NELL2: variants seen among roughly 807,000 people sequenced by gnomAD.
NELL2 encodes protein kinase C-binding protein NELL2.
Under a neutral mutation model 109.6 loss-of-function variants are expected in NELL2, and 41 were observed. That is an observed-to-expected ratio of 0.37 (90% CI 0.29 to 0.49). The LOEUF is 0.49. Among genes scored for constraint, NELL2 ranks in the 20% least tolerant of loss-of-function variants. NELL2 has a pLI of 0.98. For synonymous variants in NELL2, 355 were observed against 344.7 expected, an observed-to-expected ratio of 1.03 and a Z score of -0.33; for missense variants, 900 against 1,008.3, an observed-to-expected ratio of 0.89 and a Z score of 1.45.
At chr12:44,905,612 G>A (rs1210690910) in intron 1 of NELL2, among the ~76,000 whole-genome samples, 1 of 151,980 alleles carries the variant, frequency 6.6e-6, no homozygotes, top group African/African-American at 2.4e-5. Context: ...GGTTATCCAA[G>A]CACTGAGGGA....
intron 9 of NELL2, among the ~76,000 whole-genome samples, chr12:44,774,267 C>T (rs778679362): frequency 6.6e-6 from 1 of 152,126 alleles, no homozygotes; most frequent in South Asian, 2.1e-4. Context: ...TGGTGTGAGC[C>T]TTTTTTTCCC....
intron 15 of NELL2, among the ~76,000 whole-genome samples, chr12:44,538,405 C>T (rs1384987718): frequency 6.6e-6 from 1 of 152,194 alleles, no homozygotes; most frequent in Non-Finnish European, 1.5e-5. Context: ...ACATTCCATG[C>T]CCATCTCCAA....
At chr12:44,656,071 T>C (rs1274598763) in intron 13 of NELL2, among the ~76,000 whole-genome samples, 1 of 152,200 alleles carries the variant, frequency 6.6e-6, no homozygotes, top group Non-Finnish European at 1.5e-5. Flanking sequence ...TGTGGCTCTT[T>C]CTAAAATAAA....
At chr12:44,589,622 G>A (rs540890329) in intron 15 of NELL2, among the ~76,000 whole-genome samples, 49 of 152,142 alleles carry the variant, frequency 3.2e-4, no homozygotes, top group African/African-American at 9.4e-4. Flanking sequence ...CTCGTGATCC[G>A]CCCACCTTGG....
intron 15 of NELL2, among the ~76,000 whole-genome samples, chr12:44,571,193 T>C (rs1943860784): frequency 1.3e-5 from 2 of 152,202 alleles, no homozygotes; most frequent in African/African-American, 2.4e-5. Context: ...TTATAACCAT[T>C]TCCTCTCTAT....
rs573521897 is a variant in NELL2, at chr12:44,725,551, C to T, written c.995-10810G>A. Among the ~76,000 whole-genome samples, 28 of 152,234 alleles carry T rather than the reference C, an allele frequency of 1.8e-4. No homozygotes were observed. The South Asian group carries it at 5.6e-3, about 30-fold the overall frequency. ...TCTTTCTACCATAAAGACACATGCACGTGATTGTTCACTGCAGCACTATTC... is the reference window on the plus strand; with the variant it reads ...TCTTTCTACCATAAAGACACATGCATGTGATTGTTCACTGCAGCACTATTC... On this transcript the variant is annotated intron_variant, in intron 9 of 19. Transcript: ENST00000429094.
At chr12:44,739,866 G>C (rs1464085090) in intron 9 of NELL2, among the ~76,000 whole-genome samples, 1 of 151,980 alleles carries the variant, frequency 6.6e-6, no homozygotes, top group Admixed American at 6.6e-5. Flanking sequence ...CTCCAGCATG[G>C]GTGACACAGC....
chr12:44,831,723 C>T (rs769716380), intron 2 of NELL2, among the ~76,000 whole-genome samples: 1 of 152,162 alleles, frequency 6.6e-6, no homozygotes, highest in Non-Finnish European at 1.5e-5. Context: ...TGTCCCCACT[C>T]TTCTTTTCTT....
At chr12:44,650,130 T>A (rs1054193010) in intron 13 of NELL2, among the ~76,000 whole-genome samples, 2 of 152,194 alleles carry the variant, frequency 1.3e-5, no homozygotes, top group Admixed American at 6.5e-5. Context: ...AAAATGAATC[T>A]AGGTGATGTA....
chr12:44,527,247 A>C (rs1330156291), intron 16 of NELL2, among the ~76,000 whole-genome samples: 1 of 152,176 alleles, frequency 6.6e-6, no homozygotes, highest in African/African-American at 2.4e-5. Context: ...AAAAAACTTC[A>C]CCAAACTTAA....
intron 3 of NELL2, among the ~76,000 whole-genome samples, chr12:44,780,643 C>G (rs557518893): frequency 6.6e-6 from 1 of 152,010 alleles, no homozygotes; most frequent in Non-Finnish European, 1.5e-5. Context: ...TCCATCTCAT[C>G]TTGGAAGTAA....
rs529002991 is a variant in NELL2 at position 44,905,867 on chromosome 12, C to A, written c.38+7932G>T. Among the ~76,000 whole-genome samples the A allele has an allele frequency of 6.2e-3, 950 of 152,042 alleles. 11 individuals carry two copies. The highest frequency in any genetic ancestry group is 0.021 in the African/African-American group (880 of 41,486). On this transcript the variant is annotated intron_variant, in intron 1 of 20. Transcript: ENST00000333837. Reference sequence around the variant, plus strand: ...ATGAAGGCCTACTATGCAACAGACACTATTAATATATTAATGAAAAAAGCA... The same window carrying A: ...ATGAAGGCCTACTATGCAACAGACAATATTAATATATTAATGAAAAAAGCA...
intron 3 of NELL2, among the ~76,000 whole-genome samples, chr12:44,810,500 T>C (rs1308525452): frequency 6.6e-6 from 1 of 152,042 alleles, no homozygotes; most frequent in African/African-American, 2.4e-5. Context: ...GGAAAGAGAG[T>C]ATTTAAAAAG....
At chr12:44,656,019 T>C (rs1349296221) in intron 13 of NELL2, among the ~76,000 whole-genome samples, 1 of 152,214 alleles carries the variant, frequency 6.6e-6, no homozygotes, top group Non-Finnish European at 1.5e-5. Flanking sequence ...CCAATAATGA[T>C]GGCAACTAGT....
intron 13 of NELL2, among the ~76,000 whole-genome samples, chr12:44,624,417 C>T (rs1277125014): frequency 6.6e-6 from 1 of 152,088 alleles, no homozygotes; most frequent in Non-Finnish European, 1.5e-5. Flanking sequence ...AGGGAAAACG[C>T]TCACTCTTTG....
At chr12:44,750,249 G>A (rs1350034585) in intron 9 of NELL2, among the ~76,000 whole-genome samples, 1 of 152,118 alleles carries the variant, frequency 6.6e-6, no homozygotes, top group Non-Finnish European at 1.5e-5. Context: ...TTTCTTTATG[G>A]ACTCTGCAGC....
At chr12:44,782,122 TATAA>T (rs1941984885) in intron 3 of NELL2, among the ~76,000 whole-genome samples, 1 of 152,012 alleles carries the variant, frequency 6.6e-6, no homozygotes, top group Non-Finnish European at 1.5e-5. Context: ...GAATTTATGT[TATAA>T]ATGAGTGAGG....
In NELL2 at chr12:44,908,158, T is replaced by C. The variant is rs1474623013; in HGVS notation, c.38+5641A>G. ...GGAGAAATATGATGGCTAGGAAGCATTAAAAGTCTACTTGAGTTTAGTGAT... is the reference window on the plus strand; with the variant it reads ...GGAGAAATATGATGGCTAGGAAGCACTAAAAGTCTACTTGAGTTTAGTGAT... On this transcript the variant is annotated intron_variant, in intron 1 of 20. Coordinates refer to the NELL2 transcript ENST00000333837. Among the ~76,000 whole-genome samples, 3 of 151,964 alleles carry C rather than the reference T, an allele frequency of 2.0e-5. No homozygotes were observed. In the East Asian group the frequency reaches 5.8e-4, roughly 29 times the overall value.
intron 12 of NELL2, among the ~76,000 whole-genome samples, chr12:44,672,174 A>C (rs745664818): frequency 6.6e-6 from 1 of 152,182 alleles, no homozygotes; most frequent in Non-Finnish European, 1.5e-5. Flanking sequence ...AGACAAAATA[A>C]TATCCCATAG....
Sources: allele counts gnomAD v4.1 joint callset (sites outside exome capture counted in the v4.1 genomes callset), GRCh38; gene constraint gnomAD v4.1.1; transcripts MANE v1.5; gene names NCBI Gene and HGNC (gene_info 2026-07-23, HGNC 2026-07-21).